Variants in CABIN1 observed in about 807,000 individuals in gnomAD.
CABIN1 encodes the protein calcineurin-binding protein cabin-1.
CABIN1 carries 133 observed loss-of-function variants against 227.7 expected under a neutral mutation model. That is an observed-to-expected ratio of 0.58 (90% CI 0.51 to 0.67). CABIN1 has a LOEUF of 0.67. Ranked by LOEUF, CABIN1 falls within the 30% of genes least tolerant of loss-of-function variation. The pLI, the probability that CABIN1 is intolerant of heterozygous loss-of-function variation, is 0.00. For missense variants in CABIN1, 2,408 were observed against 2,852.5 expected (o/e 0.84, Z 3.55); for synonymous variants, 1,086 against 1,155.1 (o/e 0.94, Z 1.21).
chr22:24,012,758 A>G (rs952593507), intron 1 of CABIN1, among the ~76,000 whole-genome samples: 5 of 152,138 alleles, frequency 3.3e-5, no homozygotes, highest in Non-Finnish European at 5.9e-5. Context: ...TGATTATTCA[A>G]TAGCTTTTGT....
chr22:24,105,404 C>A (rs754523832), intron 26 of CABIN1, among the ~76,000 whole-genome samples: 3 of 152,200 alleles, frequency 2.0e-5, no homozygotes, highest in Non-Finnish European at 4.4e-5. Context: ...TATTTATAAT[C>A]TTGCCACAAA....
intron 26 of CABIN1, among the ~76,000 whole-genome samples, chr22:24,112,526 T>C (rs1410183162): frequency 1.3e-5 from 2 of 152,132 alleles, no homozygotes; most frequent in Non-Finnish European, 2.9e-5. Flanking sequence ...TCCTCCATGT[T>C]CTTGCCTTCT....
intron 1 of CABIN1, among the ~76,000 whole-genome samples, chr22:24,023,299 G>A (rs1024440082): frequency 2.6e-5 from 4 of 152,130 alleles, no homozygotes; most frequent in Admixed American, 2.0e-4. Flanking sequence ...TCTATTGGTG[G>A]ACACTTGGTT....
At position 24,143,568 on chromosome 22, in the gene CABIN1, A is replaced by C. The variant is rs967337299; in HGVS notation, c.4746+9153A>C. ...TTGAGGCTGAGAGCAGTGACAATGG[A>C]GGATGCTACCCTGCCTGCAGTGCCA... On this transcript the variant is annotated intron_variant, in intron 29 of 36. Transcript: ENST00000263119. Among the ~76,000 whole-genome samples, 21 of 152,178 alleles carry C rather than the reference A, an allele frequency of 1.4e-4. No homozygotes were observed. In the East Asian group the frequency reaches 4.1e-3, roughly 29 times the overall value.
chr22:24,174,649 G>A (rs557626595), intron 34 of CABIN1, among the ~76,000 whole-genome samples: 2 of 152,218 alleles, frequency 1.3e-5, no homozygotes, highest in African/African-American at 4.8e-5. Context: ...TCTCCCACGT[G>A]GTTGCAGTCA....
At chr22:24,154,901 C>T (rs2045691174) in intron 29 of CABIN1, among the ~76,000 whole-genome samples, 1 of 152,168 alleles carries the variant, frequency 6.6e-6, no homozygotes, top group African/African-American at 2.4e-5. Context: ...GTCACTAGGA[C>T]AGGTGTCACC....
intron 27 of CABIN1, among the ~76,000 whole-genome samples, chr22:24,118,586 A>C (rs2043216753): frequency 6.6e-6 from 1 of 152,128 alleles, no homozygotes; most frequent in Admixed American, 6.5e-5. Flanking sequence ...TGAGTGCCTA[A>C]GGAGCCACAG....
intron 29 of CABIN1, among the ~76,000 whole-genome samples, chr22:24,159,734 A>G (rs2046040614): frequency 6.6e-6 from 1 of 152,120 alleles, no homozygotes; most frequent in Non-Finnish European, 1.5e-5. Flanking sequence ...CAGCTGGAAA[A>G]GGCCAGCAGA....
intron 6 of CABIN1, among the ~76,000 whole-genome samples, chr22:24,045,584 G>T (rs1318884230): frequency 6.6e-6 from 1 of 151,594 alleles, no homozygotes; most frequent in Non-Finnish European, 1.5e-5. Flanking sequence ...CTCCAGCCTG[G>T]GTGACAGAGC....
At chr22:24,172,243 G>A (rs2046860644) in intron 34 of CABIN1, among the ~76,000 whole-genome samples, 1 of 152,228 alleles carries the variant, frequency 6.6e-6, no homozygotes, top group African/African-American at 2.4e-5. Context: ...GTGAAAGGGG[G>A]TGGTGAGGAG....
chr22:24,080,037 A>G (rs1029282363), intron 19 of CABIN1, among the ~76,000 whole-genome samples: 3 of 152,188 alleles, frequency 2.0e-5, no homozygotes, highest in African/African-American at 7.2e-5. Context: ...AAAATTATGT[A>G]AAGATCTCCT....
chr22:24,064,868 G>T (rs2039492290), intron 15 of CABIN1, among the ~76,000 whole-genome samples: 1 of 152,016 alleles, frequency 6.6e-6, no homozygotes. Context: ...CAAGGCAGAA[G>T]AATTTTTCTT....
intron 29 of CABIN1, among the ~76,000 whole-genome samples, chr22:24,147,331 TCCTC>T (rs1322089105): frequency 1.7e-4 from 10 of 58,590 alleles, no homozygotes; most frequent in Admixed American, 5.3e-4. Context: ...CTCCCTCCTC[TCCTC>T]CCTCCCTCCC....
intron 6 of CABIN1, among the ~76,000 whole-genome samples, chr22:24,043,611 A>G (rs936808558): frequency 8.6e-5 from 13 of 151,706 alleles, no homozygotes; most frequent in Admixed American, 5.9e-4. Flanking sequence ...AATTAACTGG[A>G]CTTGATGGTG....
At chr22:24,152,327 G>A (rs986626287) in intron 29 of CABIN1, among the ~76,000 whole-genome samples, 4 of 152,248 alleles carry the variant, frequency 2.6e-5, no homozygotes, top group African/African-American at 9.6e-5. Flanking sequence ...GCTCTAGCCT[G>A]CAAGAATCAA....
chr22:24,155,957 C>T (rs1027322145), intron 29 of CABIN1: 4 of 520,340 alleles, frequency 7.7e-6, no homozygotes, highest in Non-Finnish European at 1.3e-5. Context: ...GCCGGCGCCC[C>T]GTCCGGCCGC....
intron 16 of CABIN1, among the ~76,000 whole-genome samples, chr22:24,067,962 C>A (rs940776233): frequency 1.3e-5 from 2 of 151,966 alleles, no homozygotes; most frequent in African/African-American, 4.8e-5. Flanking sequence ...GGCATTGAGT[C>A]CTGGTCCCTT....
chr22:24,118,748 G>T (rs1217356062), intron 27 of CABIN1, among the ~76,000 whole-genome samples: 3 of 152,234 alleles, frequency 2.0e-5, no homozygotes, highest in Admixed American at 1.3e-4. Context: ...TCATCCTGGG[G>T]CCAGCCGTGC....
At chr22:24,061,088 C>G (rs2146404065) in intron 12 of CABIN1, among the ~76,000 whole-genome samples, 1 of 152,256 alleles carries the variant, frequency 6.6e-6, no homozygotes, top group African/African-American at 2.4e-5. Context: ...TGGCCTATGA[C>G]TATTTTTAAC....
Sources: gnomAD v4.1 joint callset for allele counts (sites outside exome capture counted in the v4.1 genomes callset) on GRCh38, gnomAD v4.1.1 for gene constraint, MANE v1.5 for transcripts, NCBI Gene and HGNC (gene_info 2026-07-23, HGNC 2026-07-21) for gene names.